NOVA1: variants seen among roughly 807,000 people sequenced by gnomAD.
The protein encoded by NOVA1 is NOVA alternative splicing regulator 1, also known as RNA-binding protein Nova-1.
A neutral mutation model predicts 38.0 loss-of-function variants in NOVA1; 7 were observed. The ratio of observed to expected loss-of-function variants is 0.18; its 90% CI spans 0.10 to 0.35. The LOEUF (loss-of-function observed/expected upper bound fraction) is 0.35. NOVA1 is among the 10% of genes least tolerant of loss of function. The pLI is 1.00. For synonymous variants in NOVA1, 270 were observed against 232.5 expected (o/e 1.16, Z -1.47); for missense variants, 460 against 616.0 (o/e 0.75, Z 2.68).
Position 26,447,634 on chromosome 14 carries a change from C to CTA in NOVA1, c.*323_*324dup. ...TGTTATCTAGAACTAATACTGAAAA[C>CTA]TATACGCATATCCCTGTCTACATTC... On this transcript the variant is annotated 3_prime_UTR_variant, in exon 5 of 5. Coordinates refer to ENST00000539517, the MANE Select transcript of NOVA1 (RefSeq NM_002515.3). The CTA allele has an allele frequency of 3.1e-6, 1 of 323,548 alleles. No homozygotes were observed. Among genetic ancestry groups the CTA allele is most frequent in the African/African-American group, 2.1e-5 (1 of 47,558 alleles). 20.0% of individuals were successfully genotyped at this position (323,548 alleles called of 1,614,324 possible). A position where few individuals can be genotyped will look rare whatever the true frequency, so the allele number is the denominator to read the frequency against.
chr14:26,577,001 C>T (rs905196068), intron 2 of NOVA1, among the ~76,000 whole-genome samples: 1 of 151,912 alleles, frequency 6.6e-6, no homozygotes. Context: ...TTTTGACCTA[C>T]TCTTCCCATT....
At chr14:26,516,006 C>T (rs1352737342) in intron 2 of NOVA1, among the ~76,000 whole-genome samples, 1 of 152,098 alleles carries the variant, frequency 6.6e-6, no homozygotes, top group African/African-American at 2.4e-5. Context: ...TTATCCACTT[C>T]CAATCCTTCC....
intron 2 of NOVA1, among the ~76,000 whole-genome samples, chr14:26,491,443 G>A (rs1177859055): frequency 6.6e-6 from 1 of 152,100 alleles, no homozygotes; most frequent in Non-Finnish European, 1.5e-5. Context: ...GTCCTTTGAT[G>A]CACAGAAGTT....
chr14:26,543,117 G>A (rs546063531), intron 2 of NOVA1, among the ~76,000 whole-genome samples: 25 of 151,968 alleles, frequency 1.6e-4, no homozygotes, highest in Non-Finnish European at 2.2e-4. Context: ...TGATCGTTAC[G>A]CATTGTATGA....
chr14:26,488,644 T>C (rs142559861), intron 2 of NOVA1, among the ~76,000 whole-genome samples: 143 of 152,330 alleles, frequency 9.4e-4, no homozygotes, highest in African/African-American at 3.3e-3. Context: ...AGGATCACTA[T>C]AGCAATCCTA....
At chr14:26,544,751 ATAGAG>A (rs1013019457) in intron 2 of NOVA1, among the ~76,000 whole-genome samples, 10 of 152,178 alleles carry the variant, frequency 6.6e-5, no homozygotes, top group East Asian at 1.9e-4. Context: ...AGAAGCAAGA[ATAGAG>A]TAGAGATGCA....
chr14:26,501,794 T>G (rs1887261373), intron 2 of NOVA1, among the ~76,000 whole-genome samples: 1 of 151,960 alleles, frequency 6.6e-6, no homozygotes, highest in South Asian at 2.1e-4. Flanking sequence ...TATGCTCTTC[T>G]AAGACTTTTC....
At chr14:26,463,856 C>T (rs1324889723) in intron 4 of NOVA1, among the ~76,000 whole-genome samples, 7 of 152,070 alleles carry the variant, frequency 4.6e-5, no homozygotes, top group African/African-American at 1.2e-4. Flanking sequence ...TATACCAGCA[C>T]CATTCATAAA....
intron 2 of NOVA1, among the ~76,000 whole-genome samples, chr14:26,486,695 T>C (rs74340420): frequency 0.064 from 259 of 4,056 alleles, 1 homozygote; most frequent in African/African-American, 0.1. Context: ...GGTGACAGAC[T>C]CAAAAAAAAA....
intron 4 of NOVA1, among the ~76,000 whole-genome samples, chr14:26,464,246 G>A (rs1043618566): frequency 6.6e-6 from 1 of 152,186 alleles, no homozygotes; most frequent in African/African-American, 2.4e-5. Context: ...TAATGGAGCT[G>A]CAAAGTTCCT....
At chr14:26,455,899 AAAT>A (rs1243015165) in intron 4 of NOVA1, among the ~76,000 whole-genome samples, 1 of 151,990 alleles carries the variant, frequency 6.6e-6, no homozygotes, top group African/African-American at 2.4e-5. Flanking sequence ...TTAAAAATGA[AAAT>A]AATTTGGGGT....
intron 2 of NOVA1, among the ~76,000 whole-genome samples, chr14:26,503,114 C>T (rs993588250): frequency 1.3e-5 from 2 of 151,778 alleles, no homozygotes; most frequent in Admixed American, 6.6e-5. Context: ...AGATCCAAAA[C>T]AAAGGGAGAA....
intron 2 of NOVA1, among the ~76,000 whole-genome samples, chr14:26,561,269 C>G (rs761859134): frequency 3.3e-5 from 5 of 152,204 alleles, no homozygotes; most frequent in African/African-American, 9.6e-5. Context: ...CTTGAATAAG[C>G]TGAATAAGTT....
At chr14:26,561,109 A>G (rs1891793296) in intron 2 of NOVA1, among the ~76,000 whole-genome samples, 3 of 152,200 alleles carry the variant, frequency 2.0e-5, no homozygotes, top group Middle Eastern at 6.8e-3. Flanking sequence ...TTTCCGTCCT[A>G]TGAGATTCTA....
intron 2 of NOVA1, among the ~76,000 whole-genome samples, chr14:26,499,481 T>C (rs1887088993): frequency 6.6e-6 from 1 of 152,136 alleles, no homozygotes; most frequent in South Asian, 2.1e-4. Context: ...AAGAAACTTT[T>C]ATGCTATAGG....
intron 2 of NOVA1, among the ~76,000 whole-genome samples, chr14:26,587,792 T>A (rs75853985): frequency 0.046 from 6,944 of 151,102 alleles, 197 homozygotes; most frequent in South Asian, 0.1. Context: ...TGTTTTTTTT[T>A]AAAATAGTAG....
chr14:26,504,201 T>G (rs1006830003), intron 2 of NOVA1, among the ~76,000 whole-genome samples: 3 of 152,176 alleles, frequency 2.0e-5, no homozygotes, highest in African/African-American at 7.2e-5. Flanking sequence ...ATGAGCCACA[T>G]GGTCCACAAC....
At chr14:26,472,223 T>C (rs936084485) in intron 4 of NOVA1, 97 bp downstream of exon 4, 12 of 750,172 alleles carry the variant, frequency 1.6e-5, no homozygotes, top group Non-Finnish European at 2.6e-5. Context: ...TATATGTGAA[T>C]GAACGAATAA....
intron 2 of NOVA1, among the ~76,000 whole-genome samples, chr14:26,587,104 T>C (rs1283638729): frequency 6.6e-6 from 1 of 150,878 alleles, no homozygotes; most frequent in Non-Finnish European, 1.5e-5. Flanking sequence ...ATTACTGGCA[T>C]TAGAGAAACC....
Sources: allele counts gnomAD v4.1 joint callset (sites outside exome capture counted in the v4.1 genomes callset), GRCh38; gene constraint gnomAD v4.1.1; transcripts MANE v1.5; gene names NCBI Gene and HGNC (gene_info 2026-07-23, HGNC 2026-07-21).